The following MARF1 variants were observed in gnomAD, a reference collection of about 807,000 sequenced individuals.
MARF1 encodes the protein meiosis regulator and mRNA stability factor 1.
In MARF1, 24 loss-of-function variants were observed where a neutral mutation model predicts 168.2. The ratio of observed to expected loss-of-function variants is 0.14; its 90% confidence interval spans 0.10 to 0.20. MARF1 has a LOEUF of 0.20. MARF1 is among the 10% of genes least tolerant of loss of function. The probability of loss-of-function intolerance (pLI) is 1.00; values close to 1 mark genes in which losing one functional copy is unlikely to be tolerated. For missense variants in MARF1, 1,744 were observed against 2,143.6 expected (o/e 0.81, Z 3.68); for synonymous variants, 868 against 822.4 (o/e 1.06, Z -0.95).
In MARF1 at chr16:15,615,983, C is replaced by T. The variant is rs1305740776; in HGVS notation, c.3100G>A (p.Glu1034Lys). ...LLSFPDCYIA[E>K]FGDLEVVQEN... Reference sequence around the variant, plus strand: ...TGCACTACTTCTAGATCGCCAAACTCTGCAATGTAACAATCTGGAAAGCTG... The same window carrying T: ...TGCACTACTTCTAGATCGCCAAACTTTGCAATGTAACAATCTGGAAAGCTG... Residue 1034 changes from glutamate to lysine, a missense_variant, in exon 16 of 27, where the codon GAG (glutamate) becomes AAG (lysine). By Grantham distance (56) the Glu-to-Lys change is moderately conservative (BLOSUM62 1). Around this residue, in one of 7 missense-constraint regions of MARF1, gnomAD observed 543 missense variants for 742.1 expected, o/e 0.73. Transcript: ENST00000396368. The T allele has an allele frequency of 2.0e-6, 3 of 1,527,510 alleles. No homozygotes were observed. The highest frequency in any genetic ancestry group is 2.6e-6 in the Non-Finnish European group (3 of 1,133,454). 94.6% of individuals were successfully genotyped at this position (1,527,510 alleles called of 1,614,324 possible).
chr16:15,601,978 G>A lies in MARF1; in HGVS notation c.4626+13C>T. ...CAGAAGATGCTCTCCCGGAAGCTGA[G>A]AAAAATGCCCACCTGTGGAATTGCT... On this transcript the variant is annotated intron_variant, in intron 23 of 26. Transcript: ENST00000396368. The A allele has an allele frequency of 6.2e-7, 1 of 1,612,598 alleles. No homozygotes were observed. The highest frequency in any genetic ancestry group is 1.3e-5 in the African/African-American group (1 of 75,014).
chr16:15,608,580 G>A lies in MARF1; in HGVS notation c.3955-62C>T, dbSNP rs1465445698. 12 of 1,213,448 alleles carry A rather than the reference G, an allele frequency of 9.9e-6. No individual in the cohort carries two copies. The Admixed American group carries it at 1.3e-4, about 13-fold the overall frequency. 75.2% of individuals were successfully genotyped at this position (1,213,448 alleles called of 1,614,324 possible). ...ACAAATCACGGGTGTTTACAGAATA[G>A]CAAAAAAAGTATGCAGCTAGTAATG... On this transcript the variant is annotated intron_variant, in intron 20 of 26. Coordinates refer to ENST00000396368, the MANE Select transcript of MARF1 (RefSeq NM_014647.4).
rs754960291 is a variant in MARF1 at position 15,639,273 on chromosome 16, T to G, written c.-40A>C. 4.4e-6 allele frequency: 7 copies of G among 1,588,818 alleles called. No individual in the cohort carries two copies. Among genetic ancestry groups the G allele is most frequent in the Middle Eastern group, 1.7e-4 (1 of 5,876 alleles). On this transcript the variant is annotated 5_prime_UTR_variant, in exon 2 of 27. Coordinates refer to ENST00000396368, the MANE Select transcript of MARF1 (RefSeq NM_014647.4). ...TGATTCAACATCCTTTCATCTTTCT[T>G]TTCTTTCATTCTTCCACCCTGTTAA...
At chr16:15,614,454 G>C (rs2033872788) in intron 16 of MARF1, among the ~76,000 whole-genome samples, 1 of 130,916 alleles carries the variant, frequency 7.6e-6, no homozygotes, top group African/African-American at 3.0e-5. Context: ...CTGCACTCCA[G>C]CCTGGTGACA....
Position 15,601,706 on chromosome 16 carries a change from C to T in MARF1, c.4626+285G>A, listed in dbSNP as rs763454866. 3.8e-5 allele frequency: 20 copies of T among 523,102 alleles called. No individual in the cohort carries two copies. In the Middle Eastern group the frequency reaches 2.1e-3, roughly 54 times the overall value. 32.4% of individuals were successfully genotyped at this position (523,102 alleles called of 1,614,324 possible). A position where few individuals can be genotyped will look rare whatever the true frequency, so the allele number is the denominator to read the frequency against. On this transcript the variant is annotated intron_variant, in intron 23 of 26. Coordinates refer to ENST00000396368, the MANE Select transcript of MARF1 (RefSeq NM_014647.4). ...GCGCCCACTGCCCTGACCGCCCTGA[C>T]TAGTTGCCTGCTTGGGGGTCTTGAC...
intron 7 of MARF1, among the ~76,000 whole-genome samples, chr16:15,626,038 G>A (rs896001091): frequency 2.0e-5 from 3 of 152,132 alleles, no homozygotes; most frequent in Non-Finnish European, 4.4e-5. Context: ...TACTCAGGTG[G>A]GAGGATTACC....
rs1256395683 is a variant in MARF1, at chr16:15,625,665, G to A, written c.1660C>T (p.Arg554Cys). 4 of 1,614,158 alleles carry A rather than the reference G, an allele frequency of 2.5e-6. No individual in the cohort carries two copies. The highest frequency in any genetic ancestry group is 2.5e-6 in the Non-Finnish European group (3 of 1,180,028). ...LSITGCSAIL[R>C]FINQDSAERA... ...TCTGCACTATCTTGGTTTATGAAGCGGAGAATTGCACTGCAGCCTGTGATA... is the reference window on the plus strand; with the variant it reads ...TCTGCACTATCTTGGTTTATGAAGCAGAGAATTGCACTGCAGCCTGTGATA... Residue 554 changes from arginine to cysteine, a missense_variant, in exon 8 of 27, where the codon CGC (arginine) becomes TGC (cysteine). Coordinates refer to ENST00000396368, the MANE Select transcript of MARF1 (RefSeq NM_014647.4).
rs372371764 is a variant in MARF1 at position 15,615,975 on chromosome 16, G to A, written c.3108C>T (p.Gly1036=). 11 of 1,543,350 alleles carry A rather than the reference G, an allele frequency of 7.1e-6. No individual in the cohort carries two copies. Among genetic ancestry groups the A allele is most frequent in the South Asian group, 1.2e-5 (1 of 81,188 alleles). Residue 1036 remains glycine, a synonymous_variant, in exon 16 of 27, where the codon GGC becomes GGT. Coordinates refer to ENST00000396368, the MANE Select transcript of MARF1 (RefSeq NM_014647.4). ...SFPDCYIAEF[G]DLEVVQENQG... ...GGTTTTCTTGCACTACTTCTAGATCGCCAAACTCTGCAATGTAACAATCTG... is the reference window on the plus strand; with the variant it reads ...GGTTTTCTTGCACTACTTCTAGATCACCAAACTCTGCAATGTAACAATCTG...
chr16:15,610,851 CTG>C, intron 19 of MARF1, 122 bp downstream of exon 19: 2 of 907,418 alleles, frequency 2.2e-6, no homozygotes, highest in Non-Finnish European at 3.4e-6. Context: ...AGTTTTCACA[CTG>C]TGCTTTCTGT....
In MARF1 at chr16:15,601,016, G is replaced by A. The variant is rs1323648332; in HGVS notation, c.4627-315C>T. The A allele has an allele frequency of 8.2e-6, 5 of 608,616 alleles. No individual in the cohort carries two copies. In the East Asian group the frequency reaches 1.8e-4, roughly 22 times the overall value. The allele number at this position is 608,616 out of a possible 1,614,324, so 37.7% of individuals were successfully genotyped here. ...AAATTAAGGTAGTTCTCACATGAGA[G>A]CTCTTTGCCATTTTTTTGCAGAAAC... On this transcript the variant is annotated intron_variant, in intron 23 of 26. Coordinates refer to ENST00000396368, the MANE Select transcript of MARF1 (RefSeq NM_014647.4).
chr16:15,623,270 T>TAA, intron 10 of MARF1, 147 bp from the exon 11 acceptor site: 1 of 384,260 alleles, frequency 2.6e-6, no homozygotes, highest in Non-Finnish European at 4.3e-6. Flanking sequence ...AATGTGTTTT[T>TAA]AATCTTTTTT....
rs1292877642 is a variant in MARF1 at position 15,612,776 on chromosome 16, G to A, written c.3255C>T (p.Asp1085=). The A allele has an allele frequency of 4.3e-6, 7 of 1,613,372 alleles. No individual in the cohort carries two copies. Among genetic ancestry groups the A allele is most frequent in the Non-Finnish European group, 5.9e-6 (7 of 1,179,408 alleles). ...IHNKPPPPNT[D]PWLLRSKSPV... The stretch of plus-strand genomic sequence containing the variant: ...GACTCTTCGAACGCAGAAGCCAAGG[G>A]TCTAGAAGAAAAAGAACGTGTATAA... Residue 1085 remains aspartate, a splice_region_variant and synonymous_variant, in exon 17 of 27, where the codon GAC becomes GAT. Transcript: ENST00000396368.
Position 15,624,842 on chromosome 16 carries a change from G to A in MARF1, c.2197C>T (p.Pro733Ser), listed in dbSNP as rs1436507616. Residue 733 changes from proline (P) to serine (S), a missense_variant, in exon 10 of 27, where the codon CCG becomes TCG. Pro to Ser is a moderately conservative substitution (Grantham distance 74). Around this residue, in one of 7 missense-constraint regions of MARF1, gnomAD observed 270 missense variants for 260.6 expected, o/e 1.04. Coordinates refer to ENST00000396368, the MANE Select transcript of MARF1 (RefSeq NM_014647.4). ...KEETVFQVSY[P>S]SAFSKLVASR... ...GCAACTAACTTGCTAAAAGCAGACGGGTAACTCACTTGGAATACAGTCTCC... is the reference window on the plus strand; with the variant it reads ...GCAACTAACTTGCTAAAAGCAGACGAGTAACTCACTTGGAATACAGTCTCC... The A allele has an allele frequency of 6.2e-6, 10 of 1,614,136 alleles. No homozygotes were observed. Among genetic ancestry groups the A allele is most frequent in the Non-Finnish European group, 8.5e-6 (10 of 1,180,010 alleles).
At position 15,612,539 on chromosome 16, in the gene MARF1, T is replaced by A; in HGVS notation, c.3474+18A>T. 6.3e-7 allele frequency: 1 copy of A among 1,599,806 alleles called. No individual in the cohort carries two copies. The highest frequency in any genetic ancestry group is 8.6e-7 in the Non-Finnish European group (1 of 1,167,044). ...AACATTCCTGCCTGTAAACAAGTAA[T>A]CCCGTGACACGCCTTACCTGCAATA... On this transcript the variant is annotated intron_variant, in intron 17 of 26. Coordinates refer to ENST00000396368, the MANE Select transcript of MARF1 (RefSeq NM_014647.4).
rs2031580509 is a variant in MARF1 at position 15,595,403 on chromosome 16, C to T, written c.*1290G>A. ...AGAAACCATCTAACTAGTGGAAGAC[C>T]TTACGCCAACAGGTTCTTTCTGCTC... On this transcript the variant is annotated 3_prime_UTR_variant, in exon 27 of 27. Transcript: ENST00000396368. The T allele has an allele frequency of 6.6e-6, 1 of 152,596 alleles. No homozygotes were observed. Among genetic ancestry groups the T allele is most frequent in the African/African-American group, 2.4e-5 (1 of 41,444 alleles). 9.5% of individuals were successfully genotyped at this position (152,596 alleles called of 1,614,324 possible).
intron 18 of MARF1, 139 bp downstream of exon 18, chr16:15,611,446 CAAAAAAA>C: frequency 7.2e-6 from 3 of 418,542 alleles, no homozygotes; most frequent in Non-Finnish European, 1.2e-5. Flanking sequence ...GACTCCGTCT[CAAAAAAA>C]AAAAAAAAAA....
Position 15,611,089 on chromosome 16 carries a change from C to T in MARF1, c.3637G>A (p.Asp1213Asn). The T allele has an allele frequency of 6.2e-7, 1 of 1,613,822 alleles. No homozygotes were observed. ...TCACAAACACCATATTCAGTGACAT[C>T]CCAGTCCTTTGAGAAACACCTAGGT... ...AYHWCFSKDW[D>N]VTEYGVCELI... Residue 1213 changes from aspartate (D) to asparagine (N), a missense_variant, in exon 19 of 27, where the codon GAT (aspartate) becomes AAT (asparagine). Asp to Asn is a conservative substitution (Grantham distance 23). Around this residue, in one of 7 missense-constraint regions of MARF1, gnomAD observed 543 missense variants for 742.1 expected, o/e 0.73. Coordinates refer to ENST00000396368, the MANE Select transcript of MARF1 (RefSeq NM_014647.4).
chr16:15,633,607 T>G lies in MARF1; in HGVS notation c.1233+10A>C. 1 of 1,565,012 alleles carries G rather than the reference T, an allele frequency of 6.4e-7. No individual in the cohort carries two copies. ...CTGTAGATTAAAATTATTAAATTTT[T>G]TTTTTTTACCTGGCAATTATTCAGC... On this transcript the variant is annotated intron_variant, in intron 5 of 26. Coordinates refer to ENST00000396368, the MANE Select transcript of MARF1 (RefSeq NM_014647.4).
intron 23 of MARF1, 27 bp from the exon 24 acceptor site, chr16:15,600,728 A>G (rs1271318969): frequency 6.2e-7 from 1 of 1,612,642 alleles, no homozygotes; most frequent in South Asian, 1.1e-5. Flanking sequence ...CTACTGGTTA[A>G]GCAGCGGAAA....
Sources: gnomAD v4.1 joint callset for allele counts (sites outside exome capture counted in the v4.1 genomes callset) on GRCh38, gnomAD v4.1.1 for gene constraint, gnomAD v4.1.1 regional missense constraint, MANE v1.5 for transcripts, NCBI Gene and HGNC (gene_info 2026-07-23, HGNC 2026-07-21) for gene names.